XPR1: variants seen among roughly 807,000 people sequenced by gnomAD.
The protein encoded by XPR1 is xenotropic and polytropic retrovirus receptor 1, also known as solute carrier family 53 member 1.
In XPR1, 28 loss-of-function variants were observed where a neutral mutation model predicts 87.5. That is an observed-to-expected ratio of 0.32 (90% CI 0.24 to 0.44). The LOEUF is 0.44. Among genes scored for constraint, XPR1 ranks in the 20% least tolerant of loss-of-function variants. The pLI, the probability that XPR1 is intolerant of heterozygous loss-of-function variation, is 1.00. For synonymous variants in XPR1, 300 were observed against 306.1 expected (o/e 0.98, Z 0.21); for missense variants, 559 against 862.3 (o/e 0.65, Z 4.41).
intron 2 of XPR1, among the ~76,000 whole-genome samples, chr1:180,686,485 G>A (rs555518041): frequency 9.9e-5 from 15 of 152,284 alleles, no homozygotes; most frequent in African/African-American, 3.6e-4. Flanking sequence ...GGAGAGTTCT[G>A]TAGATGTCTA....
intron 3 of XPR1, among the ~76,000 whole-genome samples, chr1:180,798,492 C>G (rs1558013268): frequency 1.3e-5 from 2 of 152,088 alleles, no homozygotes; most frequent in South Asian, 4.1e-4. Flanking sequence ...TTCCCAAGAC[C>G]CGTTCCATAT....
At chr1:180,781,020 A>G (rs1020209127) in intron 2 of XPR1, among the ~76,000 whole-genome samples, 1 of 151,990 alleles carries the variant, frequency 6.6e-6, no homozygotes, top group Non-Finnish European at 1.5e-5. Context: ...GAGGTCAGGA[A>G]GATTTATACT....
chr1:180,652,402 G>A (rs962788037), intron 1 of XPR1, among the ~76,000 whole-genome samples: 4 of 152,166 alleles, frequency 2.6e-5, no homozygotes, highest in African/African-American at 9.7e-5. Context: ...TTAGAAGAGA[G>A]CATTTTGTTA....
Position 180,747,376 on chromosome 1 carries a change from G to A in XPR1, c.122-40377G>A, listed in dbSNP as rs542029229. ...GATTTTGAGGCACCTATTGTTTCAAGCCTCTAATCCATTTAGTTGCTAATA... is the reference window on the plus strand; with the variant it reads ...GATTTTGAGGCACCTATTGTTTCAAACCTCTAATCCATTTAGTTGCTAATA... On this transcript the variant is annotated intron_variant, in intron 2 of 14. Coordinates refer to ENST00000367590, the MANE Select transcript of XPR1 (RefSeq NM_004736.4). Among the ~76,000 whole-genome samples, 13 of 152,282 alleles carry A rather than the reference G, an allele frequency of 8.5e-5. No individual in the cohort carries two copies. The East Asian group carries it at 2.3e-3, about 27-fold the overall frequency.
chr1:180,720,826 G>T (rs2101996778), intron 2 of XPR1, among the ~76,000 whole-genome samples: 1 of 152,218 alleles, frequency 6.6e-6, no homozygotes, highest in East Asian at 1.9e-4. Flanking sequence ...TTTTGTGTAT[G>T]CTTTCTATTC....
chr1:180,807,075 TA>T (rs569458438), intron 6 of XPR1, among the ~76,000 whole-genome samples: 5,213 of 149,784 alleles, frequency 0.035, 134 homozygotes, highest in African/African-American at 0.072. Context: ...AGGCATCTAT[TA>T]AAAAAAAAAT....
At chr1:180,696,202 GTGTGTGTATATATATATATA>G (rs773733892) in intron 2 of XPR1, among the ~76,000 whole-genome samples, 1,170 of 106,280 alleles carry the variant, frequency 0.011, 11 homozygotes, top group Middle Eastern at 0.015. Context: ...GTGTGTGTGT[GTGTGTGTATATATATATATA>G]TATATATATT....
chr1:180,635,444 C>G (rs1402428721), intron 1 of XPR1, among the ~76,000 whole-genome samples: 2 of 152,116 alleles, frequency 1.3e-5, no homozygotes, highest in East Asian at 3.8e-4. Flanking sequence ...TAATATTTTG[C>G]AGAATATTAG....
chr1:180,722,814 A>T (rs1213307351), intron 2 of XPR1, among the ~76,000 whole-genome samples: 1 of 152,152 alleles, frequency 6.6e-6, no homozygotes, highest in Non-Finnish European at 1.5e-5. Context: ...TTTATAGACT[A>T]GTGTGTTTTG....
intron 2 of XPR1, among the ~76,000 whole-genome samples, chr1:180,711,601 G>C (rs1011491511): frequency 6.6e-6 from 1 of 152,030 alleles, no homozygotes; most frequent in Admixed American, 6.6e-5. Flanking sequence ...GAGGGAGACC[G>C]TGGGGAGGGG....
At chr1:180,828,443 A>G (rs1650939325) in intron 9 of XPR1, among the ~76,000 whole-genome samples, 1 of 152,188 alleles carries the variant, frequency 6.6e-6, no homozygotes, top group African/African-American at 2.4e-5. Context: ...TAGCATAAAC[A>G]GTGCCTCAGA....
chr1:180,705,806 A>T (rs1476292176), intron 2 of XPR1, among the ~76,000 whole-genome samples: 1 of 152,246 alleles, frequency 6.6e-6, no homozygotes, highest in East Asian at 1.9e-4. Context: ...AAGAATTTTT[A>T]ACAATACAAA....
At chr1:180,704,276 A>ATATATATATATATT (rs1557965447) in intron 2 of XPR1, among the ~76,000 whole-genome samples, 4 of 141,352 alleles carry the variant, frequency 2.8e-5, no homozygotes, top group Admixed American at 7.0e-5. Flanking sequence ...ATATATATAT[A>ATATATATATATATT]TTATCAGATT....
At chr1:180,693,913 G>C (rs1213133214) in intron 2 of XPR1, among the ~76,000 whole-genome samples, 1 of 151,970 alleles carries the variant, frequency 6.6e-6, no homozygotes, top group Non-Finnish European at 1.5e-5. Flanking sequence ...TTTGGTGGAG[G>C]GGAAGGAACA....
chr1:180,658,816 G>A (rs188711475), intron 1 of XPR1, among the ~76,000 whole-genome samples: 3 of 150,734 alleles, frequency 2.0e-5, no homozygotes, highest in South Asian at 2.1e-4. Flanking sequence ...TGATCCACCC[G>A]CCTCGGCCTC....
At chr1:180,854,308 G>A (rs950699522) in intron 11 of XPR1, among the ~76,000 whole-genome samples, 4 of 152,232 alleles carry the variant, frequency 2.6e-5, no homozygotes, top group African/African-American at 9.6e-5. Flanking sequence ...GGAGAGGTTG[G>A]AATTTATCCC....
chr1:180,656,474 ACATT>A (rs1655499109), intron 1 of XPR1, among the ~76,000 whole-genome samples: 1 of 14,926 alleles, frequency 6.7e-5, no homozygotes, highest in Non-Finnish European at 1.2e-4. Flanking sequence ...TAATATTTAT[ACATT>A]ATATATAATA....
intron 11 of XPR1, among the ~76,000 whole-genome samples, chr1:180,839,203 A>G (rs2102173968): frequency 6.6e-6 from 1 of 152,326 alleles, no homozygotes; most frequent in South Asian, 2.1e-4. Flanking sequence ...TCTGTCATCA[A>G]TAAATATTTT....
intron 3 of XPR1, among the ~76,000 whole-genome samples, chr1:180,790,988 G>A (rs1228660429): frequency 6.6e-6 from 1 of 152,168 alleles, no homozygotes; most frequent in Non-Finnish European, 1.5e-5. Flanking sequence ...AATGTAGACA[G>A]AGAAGACCAT....
Sources: allele counts gnomAD v4.1 joint callset (sites outside exome capture counted in the v4.1 genomes callset), GRCh38; gene constraint gnomAD v4.1.1; transcripts MANE v1.5; gene names NCBI Gene and HGNC (gene_info 2026-07-23, HGNC 2026-07-21).